The following OR51B5 variants were observed in gnomAD, a reference collection of about 807,000 sequenced individuals.
OR51B5 encodes the protein olfactory receptor family 51 subfamily B member 5.
For missense variants in OR51B5, 456 were observed against 374.6 expected, an observed-to-expected ratio of 1.22 and a Z score of -1.79; for synonymous variants, 186 against 144.8, an observed-to-expected ratio of 1.28 and a Z score of -2.04.
intron 1 of OR51B5, among the ~76,000 whole-genome samples, chr11:5,496,980 A>T (rs1851658833): frequency 6.6e-6 from 1 of 151,884 alleles, no homozygotes; most frequent in African/African-American, 2.4e-5. Context: ...GCCATTGCTC[A>T]TTGGTCTCCA....
At chr11:5,354,412 G>C (rs536699441) in intron 1 of OR51B5, among the ~76,000 whole-genome samples, 1 of 152,334 alleles carries the variant, frequency 6.6e-6, no homozygotes, top group Non-Finnish European at 1.5e-5. Context: ...ACAACCCTGA[G>C]TTTCTCTCCT....
chr11:5,504,912 G>A (rs777145965), intron 1 of OR51B5, among the ~76,000 whole-genome samples: 3 of 152,178 alleles, frequency 2.0e-5, no homozygotes, highest in Non-Finnish European at 4.4e-5. Context: ...CAAGCACCCA[G>A]TCAATTGTGA....
chr11:5,346,671 G>GCAA (rs1848996721), upstream of OR51B5, among the ~76,000 whole-genome samples: 2 of 152,178 alleles, frequency 1.3e-5, no homozygotes, highest in Admixed American at 6.5e-5. Context: ...TGCTTTTGAA[G>GCAA]TTCTATCAAC....
intron 1 of OR51B5, among the ~76,000 whole-genome samples, chr11:5,439,867 A>T (rs536869837): frequency 6.6e-6 from 1 of 152,276 alleles, no homozygotes; most frequent in East Asian, 1.9e-4. Context: ...AGTAGGACTT[A>T]TGTGGGGCCT....
chr11:5,342,560 G>C (rs752049922), downstream of OR51B5: 17 of 1,546,908 alleles, frequency 1.1e-5, no homozygotes, highest in Non-Finnish European at 1.4e-5. Context: ...TTTACATTCT[G>C]TGAGAGTGAC....
chr11:5,444,916 T>C (rs1850739434), intron 1 of OR51B5, among the ~76,000 whole-genome samples: 1 of 152,194 alleles, frequency 6.6e-6, no homozygotes, highest in South Asian at 2.1e-4. Context: ...ACACACTGCA[T>C]ACATGTATGC....
intron 1 of OR51B5, among the ~76,000 whole-genome samples, chr11:5,384,141 AT>A (rs915073091): frequency 2.1e-4 from 32 of 151,542 alleles, no homozygotes; most frequent in East Asian, 9.8e-4. Flanking sequence ...GCCTAATGGG[AT>A]TTTTTTTTCT....
At chr11:5,439,266 T>A (rs577036816) in intron 1 of OR51B5, among the ~76,000 whole-genome samples, 1 of 152,192 alleles carries the variant, frequency 6.6e-6, no homozygotes, top group East Asian at 1.9e-4. Context: ...TGGCTGGAAA[T>A]TGTGTATCAA....
chr11:5,347,653 G>A (rs1201380948), upstream of OR51B5, among the ~76,000 whole-genome samples: 1 of 151,856 alleles, frequency 6.6e-6, no homozygotes, highest in Non-Finnish European at 1.5e-5. Context: ...CTCCAACAGA[G>A]GAAAACCTCC....
At chr11:5,459,479 T>C (rs1461397390) in intron 1 of OR51B5, among the ~76,000 whole-genome samples, 1 of 152,200 alleles carries the variant, frequency 6.6e-6, no homozygotes, top group Non-Finnish European at 1.5e-5. Flanking sequence ...CCTCATAGAA[T>C]GACTTTTGTC....
At chr11:5,387,833 G>A (rs760235611) in intron 1 of OR51B5, among the ~76,000 whole-genome samples, 5 of 152,044 alleles carry the variant, frequency 3.3e-5, no homozygotes, top group Non-Finnish European at 5.9e-5. Context: ...TATATAAAAT[G>A]CATCACTCTT....
At chr11:5,396,515 C>T (rs2133736206) in intron 1 of OR51B5, among the ~76,000 whole-genome samples, 1 of 148,892 alleles carries the variant, frequency 6.7e-6, no homozygotes, top group Middle Eastern at 3.4e-3. Context: ...TGTGAAGGAC[C>T]TCTTCAAGGA....
At chr11:5,358,320 G>A (rs1351520251) in intron 1 of OR51B5, among the ~76,000 whole-genome samples, 2 of 151,478 alleles carry the variant, frequency 1.3e-5, no homozygotes, top group African/African-American at 4.9e-5. Context: ...TATCACCACC[G>A]ATCCCACAGA....
intron 1 of OR51B5, among the ~76,000 whole-genome samples, chr11:5,384,619 T>C (rs2133722285): frequency 6.6e-6 from 1 of 152,350 alleles, no homozygotes; most frequent in Non-Finnish European, 1.5e-5. Context: ...CCCTCTGGTC[T>C]CTATACTCTT....
intron 1 of OR51B5, among the ~76,000 whole-genome samples, chr11:5,460,816 C>G (rs7942939): frequency 0.041 from 6,299 of 152,268 alleles, 431 homozygotes; most frequent in African/African-American, 0.14. Flanking sequence ...TAGTTGATTG[C>G]CTTTGTTGGT....
At chr11:5,493,354 A>G (rs1380761837) in intron 1 of OR51B5, among the ~76,000 whole-genome samples, 1 of 152,158 alleles carries the variant, frequency 6.6e-6, no homozygotes. Context: ...GCCTTTTTCT[A>G]AAAAGTCATC....
At chr11:5,497,042 TAAAAAA>T (rs199964356) in intron 1 of OR51B5, among the ~76,000 whole-genome samples, 144,308 of 151,288 alleles carry the variant, frequency 0.95, 68,988 homozygotes, top group East Asian at 1. Context: ...AATCAATGTT[TAAAAAA>T]AAAAAAAAAA....
At chr11:5,415,804 A>C (rs1850234486) in intron 1 of OR51B5, among the ~76,000 whole-genome samples, 1 of 152,190 alleles carries the variant, frequency 6.6e-6, no homozygotes, top group Admixed American at 6.5e-5. Flanking sequence ...AACTGAAAAG[A>C]GTCCAGAACC....
At chr11:5,386,637 C>T (rs372864744) in intron 1 of OR51B5, among the ~76,000 whole-genome samples, 28 of 152,084 alleles carry the variant, frequency 1.8e-4, no homozygotes, top group African/African-American at 6.5e-4. Context: ...TCTGCATAAT[C>T]TCGGTGGCTG....
Sources: gnomAD v4.1 joint callset for allele counts (sites outside exome capture counted in the v4.1 genomes callset) on GRCh38, gnomAD v4.1.1 for gene constraint, MANE v1.5 for transcripts, NCBI Gene and HGNC (gene_info 2026-07-23, HGNC 2026-07-21) for gene names.